The following PRR12 variants were observed in gnomAD, a reference collection of about 807,000 sequenced individuals.
PRR12 encodes the protein proline-rich protein 12.
In PRR12, 12 loss-of-function variants were observed where a neutral mutation model predicts 138.0. The ratio of observed to expected loss-of-function variants is 0.09; its 90% CI spans 0.06 to 0.14. The LOEUF is 0.14. Among genes scored for constraint, PRR12 ranks in the 10% least tolerant of loss-of-function variants. PRR12 has a pLI of 1.00. For missense variants in PRR12, 2,692 were observed against 2,861.3 expected (o/e 0.94, Z 1.35); for synonymous variants, 1,567 against 1,291.7 (o/e 1.21, Z -4.57).
Position 49,625,298 on chromosome 19 carries a change from A to G in PRR12, c.5964+98A>G. ...CAAGCCCAGCCCCATCCTGCCTCAG[A>G]CCCAAGAGTTCAGGTCCTTCTGTCT... On this transcript the variant is annotated intron_variant, in intron 13 of 13. Coordinates refer to ENST00000418929, the MANE Select transcript of PRR12 (RefSeq NM_020719.3). This position sits in a 1 kb window ranked among gnomAD's most constrained non-coding sequence, Gnocchi z 5.5. 1 of 1,477,284 alleles carries G rather than the reference A, an allele frequency of 6.8e-7. No individual in the cohort carries two copies. Among genetic ancestry groups the G allele is most frequent in the Non-Finnish European group, 9.3e-7 (1 of 1,073,122 alleles). 91.5% of individuals were successfully genotyped at this position (1,477,284 alleles called of 1,614,324 possible). A position where few individuals can be genotyped will look rare whatever the true frequency, so the allele number is the denominator to read the frequency against.
In PRR12 at chr19:49,591,300, C is replaced by T. The variant is rs1424304403; in HGVS notation, c.-355C>T. 6.6e-6 allele frequency among the ~76,000 whole-genome samples: 1 copy of T among 150,728 alleles called. No individual in the cohort carries two copies. On this transcript the variant is annotated 5_prime_UTR_variant, in exon 1 of 14. Coordinates refer to ENST00000418929, the MANE Select transcript of PRR12 (RefSeq NM_020719.3). ...AGCGCCTGCACCCACCCCGGGGCCGCCCGGGACGCCCCCTCCCGAGCGCGC... is the reference window on the plus strand; with the variant it reads ...AGCGCCTGCACCCACCCCGGGGCCGTCCGGGACGCCCCCTCCCGAGCGCGC...
Position 49,597,252 on chromosome 19 carries a change from G to A in PRR12, c.2917G>A (p.Asp973Asn), listed in dbSNP as rs2080778425. The change falls in exon 4 of 14, where the codon GAC becomes AAC. Residue 973 changes from aspartate (D) to asparagine (N), a missense_variant. Physicochemically the swap from Asp to Asn is conservative, Grantham distance 23. This residue lies in a region of PRR12 where 840 missense variants were observed against 689.8 expected (regional missense o/e 1.22). Transcript: ENST00000418929. This position sits in a 1 kb window ranked among gnomAD's most constrained non-coding sequence, Gnocchi z 6.3. ...GKAGPPEDEG[D>N]PKAGAGPPPG... ...GGCCGGGCCACCTGAGGACGAGGGG[G>A]ACCCCAAGGCTGGCGCTGGGCCACC... 1.3e-6 allele frequency: 2 copies of A among 1,573,780 alleles called. No homozygotes were observed. The highest frequency in any genetic ancestry group is 1.7e-6 in the Non-Finnish European group (2 of 1,160,344).
At chr19:49,607,273 G>A (rs1568427342) in intron 6 of PRR12, among the ~76,000 whole-genome samples, 1 of 152,146 alleles carries the variant, frequency 6.6e-6, no homozygotes, top group Non-Finnish European at 1.5e-5. Context: ...AGGATCACTT[G>A]AGCCCGGATG....
rs2080794790 is a variant in PRR12 at position 49,599,171 on chromosome 19, C to T, written c.3679-101C>T. ...TGCAGGTTTGAATTCTATAAATTCA[C>T]AGGCTGAGCACCTGTAAATTTGGAT... is the stretch of plus-strand genomic sequence containing the variant. On this transcript the variant is annotated intron_variant, in intron 4 of 13. Coordinates refer to ENST00000418929, the MANE Select transcript of PRR12 (RefSeq NM_020719.3). This position sits in a 1 kb window ranked among gnomAD's most constrained non-coding sequence, Gnocchi z 5.0. 5 of 1,153,028 alleles carry T rather than the reference C, an allele frequency of 4.3e-6. No individual in the cohort carries two copies. In the African/African-American group the frequency reaches 4.7e-5, roughly 11 times the overall value. The allele number at this position is 1,153,028 out of a possible 1,614,324, so 71.4% of individuals were successfully genotyped here.
intron 6 of PRR12, among the ~76,000 whole-genome samples, chr19:49,611,010 T>C (rs562444772): frequency 1.3e-5 from 2 of 150,620 alleles, no homozygotes; most frequent in South Asian, 2.2e-4. Flanking sequence ...GCCCGGCTAA[T>C]TTTTGTATTT....
chr19:49,597,795 C>T lies in PRR12; in HGVS notation c.3460C>T (p.Arg1154Cys), dbSNP rs780890159. 30 of 1,573,990 alleles carry T rather than the reference C, an allele frequency of 1.9e-5. No individual in the cohort carries two copies. The highest frequency in any genetic ancestry group is 2.5e-5 in the Non-Finnish European group (29 of 1,161,120). Residue 1154 changes from arginine (R) to cysteine (C), a missense_variant, in exon 4 of 14, where the codon CGC (arginine) becomes TGC (cysteine). Transcript: ENST00000418929. This position sits in a 1 kb window ranked among gnomAD's most constrained non-coding sequence, Gnocchi z 6.3. ...CAACCCAGGACCCGATGGCCCCCGG[C>T]GCCGTGGCCGCAAGCCCACGAAGGC... ...PPNPGPDGPR[R>C]RGRKPTKAKR...
chr19:49,621,706 G>T, intron 11 of PRR12, 84 bp downstream of exon 11: 1 of 1,125,484 alleles, frequency 8.9e-7, no homozygotes, highest in South Asian at 1.3e-5. Flanking sequence ...TGTTGGCGGG[G>T]GTGATCCTTG....
chr19:49,592,195 C>G (rs1001135942), intron 1 of PRR12, among the ~76,000 whole-genome samples: 1 of 152,190 alleles, frequency 6.6e-6, no homozygotes, highest in Non-Finnish European at 1.5e-5. Context: ...TGTGCGAGGC[C>G]GCGCCACTAG....
At chr19:49,600,871 C>T (rs1568425174) in intron 5 of PRR12, among the ~76,000 whole-genome samples, 1 of 151,916 alleles carries the variant, frequency 6.6e-6, no homozygotes, top group Non-Finnish European at 1.5e-5. Context: ...ACTACAGGCG[C>T]GCACCACCAT....
At chr19:49,610,205 C>T (rs2080858753) in intron 6 of PRR12, among the ~76,000 whole-genome samples, 2 of 151,994 alleles carry the variant, frequency 1.3e-5, no homozygotes, top group Non-Finnish European at 2.9e-5. Flanking sequence ...GAACTCCCGA[C>T]CTCAGGTGAT....
rs55707507 is a variant in PRR12 at position 49,619,851 on chromosome 19, C to CTTTTT, written c.5498-480_5498-476dup. The stretch of plus-strand genomic sequence containing the variant: ...GCACTTTATGGGCTACAATGCCTGG[C>CTTTTT]TTTTTTTTTTTTTTTTTTTTTTTTT... On this transcript the variant is annotated intron_variant, in intron 9 of 13. Transcript: ENST00000418929. Among the ~76,000 whole-genome samples the CTTTTT allele has an allele frequency of 3.6e-3, 192 of 53,956 alleles. 20 individuals carry two copies. The highest frequency in any genetic ancestry group is 0.028 in the Middle Eastern group (1 of 36). 35.4% of individuals were successfully genotyped at this position (53,956 alleles called of 152,430 possible).
chr19:49,595,089 TCCGCTG>T lies in PRR12; in HGVS notation c.759_764del (p.Ala257_Ala258del). ...TCAGTTCAACCTGCTGGCTTCCTCT[TCCGCTG>T]CCGCCGCCGCTGCCGAGCAGTCCTC... is the stretch of plus-strand genomic sequence containing the variant. On this transcript the variant is annotated inframe_deletion, in exon 4 of 14. Transcript: ENST00000418929. 6.2e-7 allele frequency: 1 copy of T among 1,611,278 alleles called. No homozygotes were observed. Among genetic ancestry groups the T allele is most frequent in the Non-Finnish European group, 8.5e-7 (1 of 1,179,538 alleles).
At position 49,595,929 on chromosome 19, in the gene PRR12, A is replaced by G; in HGVS notation, c.1594A>G (p.Ser532Gly). Residue 532 changes from serine (S) to glycine (G), a missense_variant, in exon 4 of 14, where the codon AGC becomes GGC. Transcript: ENST00000418929. ...GCTGCCCACAGCCAGCCCCTCGCTC[A>G]GCTACAGTACCGGCCATTCCCCAGC... is the stretch of plus-strand genomic sequence containing the variant. ...QGLPTASPSL[S>G]YSTGHSPALS... is the part of the protein sequence containing the mutation. 1.9e-6 allele frequency: 3 copies of G among 1,601,858 alleles called. No homozygotes were observed. Among genetic ancestry groups the G allele is most frequent in the Non-Finnish European group, 1.7e-6 (2 of 1,179,638 alleles).
Position 49,601,595 on chromosome 19 carries a change from T to G in PRR12, c.4450T>G (p.Ser1484Ala). The G allele has an allele frequency of 7.1e-7, 1 of 1,410,116 alleles. No homozygotes were observed. The highest frequency in any genetic ancestry group is 2.3e-5 in the Admixed American group (1 of 43,678). 87.4% of individuals were successfully genotyped at this position (1,410,116 alleles called of 1,614,324 possible). ...PPPPPQPALP[S>A]PPPLVAPTPS... ...TCCGCCGCCACAGCCAGCCCTGCCC[T>G]CGCCACCCCCGCTGGTGGCCCCCAC... The change falls in exon 6 of 14, where the codon TCG (serine) becomes GCG (alanine). Residue 1484 changes from serine (S) to alanine (A), a missense_variant. Ser to Ala is a moderately conservative substitution (Grantham distance 99). Coordinates refer to ENST00000418929, the MANE Select transcript of PRR12 (RefSeq NM_020719.3).
rs374873072 is a variant in PRR12, at chr19:49,595,051, G to A, written c.716G>A (p.Arg239His). The A allele has an allele frequency of 2.8e-5, 45 of 1,590,476 alleles. 1 individual carries two copies. Among genetic ancestry groups the A allele is most frequent in the African/African-American group, 5.7e-5 (4 of 70,130 alleles). ...CCCCCAGACCCACCACCACCTCCTC[G>A]CCACCTCCCAACTCAGTTCAACCTG... ...PGPPDPPPPPRHLPTQFNLLA... is the reference protein window; with the variant it reads ...PGPPDPPPPPHHLPTQFNLLA... Residue 239 changes from arginine (R) to histidine (H), a missense_variant, in exon 4 of 14, where the codon CGC (arginine) becomes CAC (histidine). Arg to His is a conservative substitution (Grantham distance 29, BLOSUM62 0). Transcript: ENST00000418929.
At chr19:49,592,299 G>A (rs1463685262) in intron 1 of PRR12, among the ~76,000 whole-genome samples, 1 of 152,210 alleles carries the variant, frequency 6.6e-6, no homozygotes, top group Non-Finnish European at 1.5e-5. Context: ...GGGGTCAGGC[G>A]TCTGGGACAC....
intron 11 of PRR12, among the ~76,000 whole-genome samples, chr19:49,622,942 G>T (rs1231976454): frequency 7.0e-4 from 83 of 118,580 alleles, no homozygotes; most frequent in African/African-American, 1.8e-3. Flanking sequence ...GAGAGAGAGA[G>T]AGAGAGAGAG....
rs2122359288 is a variant in PRR12 at position 49,616,193 on chromosome 19, C to G, written c.5471C>G (p.Ser1824Cys). ...GPPGSSSDSE[S>C]SPGAPSEDER... Reference sequence around the variant, plus strand: ...CCAGGCAGCTCCTCGGACTCGGAGTCCTCCCCTGGAGCCCCCAGCGAGGAC... The same window carrying G: ...CCAGGCAGCTCCTCGGACTCGGAGTGCTCCCCTGGAGCCCCCAGCGAGGAC... The change falls in exon 9 of 14, where the codon TCC (serine) becomes TGC (cysteine). Residue 1824 changes from serine (S) to cysteine (C), a missense_variant. Coordinates refer to ENST00000418929, the MANE Select transcript of PRR12 (RefSeq NM_020719.3). This position sits in a 1 kb window ranked among gnomAD's most constrained non-coding sequence, Gnocchi z 4.2. The G allele has an allele frequency of 6.5e-7, 1 of 1,548,276 alleles. No homozygotes were observed. The highest frequency in any genetic ancestry group is 1.7e-4 in the Middle Eastern group (1 of 5,918).
At position 49,599,697 on chromosome 19, in the gene PRR12, G is replaced by C; in HGVS notation, c.4104G>C (p.Glu1368Asp). Residue 1368 changes from glutamate to aspartate, a missense_variant, in exon 5 of 14, where the codon GAG (glutamate) becomes GAC (aspartate). Physicochemically the swap from Glu to Asp is conservative, Grantham distance 45. This residue lies in a region of PRR12 where 22 missense variants were observed against 59.2 expected (regional missense o/e 0.37). Transcript: ENST00000418929. The surrounding 1 kb of genome is among the most constrained non-coding windows in gnomAD (Gnocchi z 5.0). ...GCPSPCKRLD[E>D]ELKRNLETLP... is the part of the protein sequence containing the mutation. Reference sequence around the variant, plus strand: ...CTTCACCCTGCAAGCGGCTTGATGAGGAGCTGAAGCGGAACCTCGAGACGC... The same window carrying C: ...CTTCACCCTGCAAGCGGCTTGATGACGAGCTGAAGCGGAACCTCGAGACGC... 6.2e-7 allele frequency: 1 copy of C among 1,613,482 alleles called. No homozygotes were observed. Among genetic ancestry groups the C allele is most frequent in the Non-Finnish European group, 8.5e-7 (1 of 1,179,830 alleles).
Sources: allele counts gnomAD v4.1 joint callset (sites outside exome capture counted in the v4.1 genomes callset), GRCh38; gene constraint gnomAD v4.1.1; regional missense constraint gnomAD v4.1.1; non-coding constraint Gnocchi (gnomAD v3.1); transcripts MANE v1.5; gene names NCBI Gene and HGNC (gene_info 2026-07-23, HGNC 2026-07-21).